The following C2CD3 variants were observed in gnomAD, a reference collection of about 807,000 sequenced individuals.
The protein encoded by C2CD3 is C2 domain containing 3 centriole elongation regulator, also known as C2 domain-containing protein 3.
Under a neutral mutation model 234.0 loss-of-function variants are expected in C2CD3, and 148 were observed. The ratio of observed to expected loss-of-function variants is 0.63; its 90% CI spans 0.55 to 0.72. The LOEUF (loss-of-function observed/expected upper bound fraction) is 0.72, where lower values mean the gene tolerates loss of function less well. C2CD3 is among the 30% of genes least tolerant of loss of function. The probability of loss-of-function intolerance (pLI) is 0.00; values close to 1 mark genes in which losing one functional copy is unlikely to be tolerated. For missense variants in C2CD3, 2,577 were observed against 2,811.5 expected, an observed-to-expected ratio of 0.92 and a Z score of 1.89; for synonymous variants, 1,000 against 1,035.4, an observed-to-expected ratio of 0.97 and a Z score of 0.66.
intron 31 of C2CD3, among the ~76,000 whole-genome samples, chr11:74,030,762 C>G (rs903333342): frequency 6.6e-6 from 1 of 152,186 alleles, no homozygotes; most frequent in Admixed American, 6.5e-5. Context: ...TGCATCTCCT[C>G]CTGGATGTCC....
intron 1 of C2CD3, 108 bp from the exon 2 acceptor site, chr11:74,168,721 C>A: frequency 1.1e-6 from 1 of 951,636 alleles, no homozygotes; most frequent in South Asian, 1.6e-5. Flanking sequence ...TTAAGTTCAG[C>A]AATTTATCAC....
At chr11:74,132,538 C>T (rs1443265089) in intron 7 of C2CD3, among the ~76,000 whole-genome samples, 1 of 152,126 alleles carries the variant, frequency 6.6e-6, no homozygotes, top group African/African-American at 2.4e-5. Flanking sequence ...AGATGAACCT[C>T]GAATTTCCAC....
chr11:74,085,122 ATCAAAG>A, intron 21 of C2CD3, 152 bp from the exon 22 acceptor site: 1 of 524,212 alleles, frequency 1.9e-6, no homozygotes, highest in Non-Finnish European at 3.4e-6. Context: ...TCATGCCCCA[ATCAAAG>A]CCTGAATGCC....
At chr11:74,066,651 A>G (rs1349244416) in intron 24 of C2CD3, among the ~76,000 whole-genome samples, 1 of 101,950 alleles carries the variant, frequency 9.8e-6, no homozygotes, top group African/African-American at 5.1e-5. Flanking sequence ...CATTAGACCA[A>G]TTCTTTTTTT....
chr11:74,098,103 A>G lies in C2CD3; in HGVS notation c.2885T>C (p.Leu962Pro), dbSNP rs1451933842. Reference protein sequence around the residue: ...AMGSSNQIMALQRLKNEEGTL... With the variant: ...AMGSSNQIMAPQRLKNEEGTL... ...TCCTTCTTCATTCTTTAATCTTTGTAGTGCCATTATTTGATTTGAAGAACC... is the reference window on the plus strand; with the variant it reads ...TCCTTCTTCATTCTTTAATCTTTGTGGTGCCATTATTTGATTTGAAGAACC... The change falls in exon 16 of 33, where the codon CTA (leucine) becomes CCA (proline). Residue 962 changes from leucine (L) to proline (P), a missense_variant. Transcript: ENST00000334126. 1.9e-6 allele frequency: 3 copies of G among 1,614,060 alleles called. No individual in the cohort carries two copies. In the East Asian group the frequency reaches 6.7e-5, roughly 36 times the overall value.
intron 9 of C2CD3, among the ~76,000 whole-genome samples, chr11:74,117,019 T>C (rs1388960846): frequency 1.6e-5 from 2 of 121,632 alleles, no homozygotes; most frequent in East Asian, 4.7e-4. Context: ...TACACATATA[T>C]ACGTGTATAT....
At chr11:74,121,071 TG>T (rs1345620792) in intron 8 of C2CD3, among the ~76,000 whole-genome samples, 1 of 150,490 alleles carries the variant, frequency 6.6e-6, no homozygotes, top group Non-Finnish European at 1.5e-5. Context: ...GAGACTCCAG[TG>T]GGTAAAGGGT....
At chr11:74,059,970 A>ATCCCGCGCCTGGCTTGGAGGG (rs1180426643) in intron 24 of C2CD3, among the ~76,000 whole-genome samples, 1 of 152,196 alleles carries the variant, frequency 6.6e-6, no homozygotes, top group African/African-American at 2.4e-5. Context: ...AGGAGACTGT[A>ATCCCGCGCCTGGCTTGGAGGG]TCCCGCGCCT....
intron 2 of C2CD3, among the ~76,000 whole-genome samples, chr11:74,167,823 C>G (rs772122752): frequency 1.3e-5 from 2 of 152,230 alleles, no homozygotes; most frequent in Non-Finnish European, 2.9e-5. Context: ...CATTTCTGAA[C>G]ATCTGTAATA....
chr11:74,161,813 CTTTTTTTTTTT>C (rs927069098), intron 2 of C2CD3, among the ~76,000 whole-genome samples: 1 of 131,894 alleles, frequency 7.6e-6, no homozygotes, highest in Non-Finnish European at 1.6e-5. Flanking sequence ...TGAAGTTCTA[CTTTTTTTTTTT>C]TTTTTTTTTT....
chr11:74,083,368 G>C lies in C2CD3; in HGVS notation c.4000+1513C>G, dbSNP rs185050050. On this transcript the variant is annotated intron_variant, in intron 22 of 32. Transcript: ENST00000334126. ...AAGAAAACATAGGCAATACCATTCA[G>C]GACGTAGGCATGGGCAAGGACTTCA... is the stretch of plus-strand genomic sequence containing the variant. 3.9e-3 allele frequency among the ~76,000 whole-genome samples: 598 copies of C among 152,294 alleles called. 1 individual carries two copies. Among genetic ancestry groups the C allele is most frequent in the Non-Finnish European group, 6.1e-3 (412 of 68,030 alleles).
At chr11:74,075,462 CAG>C (rs1954994371) in intron 23 of C2CD3, among the ~76,000 whole-genome samples, 1 of 152,094 alleles carries the variant, frequency 6.6e-6, no homozygotes, top group Non-Finnish European at 1.5e-5. Flanking sequence ...GCCAGAATCT[CAG>C]AGGAGTTAAA....
chr11:74,160,916 T>C lies in C2CD3; in HGVS notation c.483+483A>G, dbSNP rs74680539. 4.6e-4 allele frequency among the ~76,000 whole-genome samples: 70 copies of C among 152,290 alleles called. No homozygotes were observed. In the East Asian group the frequency reaches 0.013, roughly 28 times the overall value. ...TTACAAAGTAAGCTGAATCAATAAA[T>C]GAATACATCAAAGATACCACTTACA... On this transcript the variant is annotated intron_variant, in intron 3 of 32. Transcript: ENST00000334126.
rs192425958 is a variant in C2CD3, at chr11:74,167,639, G to A, written c.325+705C>T. ...GCCCAACCATGTTTACATGATAAAT[G>A]CTCGAATTTTATTGACTTGAACTGA... On this transcript the variant is annotated intron_variant, in intron 2 of 32. Coordinates refer to ENST00000334126, the MANE Select transcript of C2CD3 (RefSeq NM_001286577.2). Among the ~76,000 whole-genome samples, 480 of 152,308 alleles carry A rather than the reference G, an allele frequency of 3.2e-3. 3 individuals are homozygous for A. In the Middle Eastern group the frequency reaches 0.034, roughly 11 times the overall value.
intron 20 of C2CD3, among the ~76,000 whole-genome samples, chr11:74,089,267 T>C (rs1955783232): frequency 6.6e-6 from 1 of 152,162 alleles, no homozygotes; most frequent in African/African-American, 2.4e-5. Flanking sequence ...CATACCCATA[T>C]AACAAATCTG....
chr11:74,133,428 G>A lies in C2CD3; in HGVS notation c.1085C>T (p.Thr362Ile). 1 of 1,613,266 alleles carries A rather than the reference G, an allele frequency of 6.2e-7. No homozygotes were observed. The highest frequency in any genetic ancestry group is 8.5e-7 in the Non-Finnish European group (1 of 1,179,306). ...PINEDSLRAS[T>I]QIRAFSRNRF... ...TTCTGTCTATCCTGTAACTTACTGT[G>A]TTGATGCTCTAAGAGAATCTTCATT... Residue 362 changes from threonine to isoleucine, a missense_variant, in exon 6 of 33, where the codon ACA becomes ATA. Coordinates refer to ENST00000334126, the MANE Select transcript of C2CD3 (RefSeq NM_001286577.2).
Position 74,138,701 on chromosome 11 carries a change from T to G in C2CD3, c.955+19A>C. ...ATAAACGTAGTTTAGTCTGACTCAG[T>G]TCACAAATACATACATACCTGAAAG... On this transcript the variant is annotated intron_variant, in intron 5 of 32. Coordinates refer to ENST00000334126, the MANE Select transcript of C2CD3 (RefSeq NM_001286577.2). The G allele has an allele frequency of 6.2e-7, 1 of 1,605,020 alleles. No homozygotes were observed. The highest frequency in any genetic ancestry group is 1.3e-5 in the African/African-American group (1 of 74,834).
chr11:74,116,795 C>A (rs201764609), intron 9 of C2CD3, among the ~76,000 whole-genome samples: 2 of 143,260 alleles, frequency 1.4e-5, no homozygotes. Context: ...TATATACACA[C>A]ACACACGTAT....
chr11:74,082,123 A>ATTTTTTTTTTT (rs34965283), intron 22 of C2CD3, among the ~76,000 whole-genome samples: 1 of 136,818 alleles, frequency 7.3e-6, no homozygotes. Flanking sequence ...GGCTGTGGAT[A>ATTTTTTTTTTT]TTTTTTTTTT....
Sources: gnomAD v4.1 joint callset for allele counts (sites outside exome capture counted in the v4.1 genomes callset) on GRCh38, gnomAD v4.1.1 for gene constraint, MANE v1.5 for transcripts, NCBI Gene and HGNC (gene_info 2026-07-23, HGNC 2026-07-21) for gene names.